SGMS1: variants seen among roughly 807,000 people sequenced by gnomAD.
The protein encoded by SGMS1 is phosphatidylcholine:ceramide cholinephosphotransferase 1.
SGMS1 carries 13 observed loss-of-function variants against 46.2 expected under a neutral mutation model. The ratio of observed to expected loss-of-function variants is 0.28; its 90% CI spans 0.18 to 0.45. The LOEUF (loss-of-function observed/expected upper bound fraction) is 0.45, where lower values mean the gene tolerates loss of function less well. Among genes scored for constraint, SGMS1 ranks in the 20% least tolerant of loss-of-function variants. The pLI is 1.00. For missense variants in SGMS1, 324 were observed against 519.9 expected, an observed-to-expected ratio of 0.62 and a Z score of 3.66; for synonymous variants, 203 against 187.8, an observed-to-expected ratio of 1.08 and a Z score of -0.66.
intron 6 of SGMS1, among the ~76,000 whole-genome samples, chr10:50,428,336 A>T (rs1342724907): frequency 6.6e-6 from 1 of 152,214 alleles, no homozygotes; most frequent in Non-Finnish European, 1.5e-5. Context: ...AAATGACACA[A>T]ATTATTGTCA....
intron 6 of SGMS1, among the ~76,000 whole-genome samples, chr10:50,399,088 G>A (rs1480793297): frequency 6.6e-6 from 1 of 151,934 alleles, no homozygotes; most frequent in Non-Finnish European, 1.5e-5. Context: ...TTCTAAAACT[G>A]GTTTATGGTG....
chr10:50,498,933 G>T (rs955322104), intron 3 of SGMS1, among the ~76,000 whole-genome samples: 1 of 152,100 alleles, frequency 6.6e-6, no homozygotes, highest in East Asian at 1.9e-4. Context: ...CCCACCAATA[G>T]TGCACGAGTG....
intron 6 of SGMS1, among the ~76,000 whole-genome samples, chr10:50,369,131 A>T (rs1332477864): frequency 5.9e-5 from 9 of 152,226 alleles, no homozygotes; most frequent in Non-Finnish European, 1.0e-4. Context: ...CAGAATATTT[A>T]AAAAATCCAT....
rs139504523 is a variant in SGMS1, at chr10:50,470,252, A to G, written c.-497-3320T>C. 9.4e-4 allele frequency among the ~76,000 whole-genome samples: 143 copies of G among 152,336 alleles called. 1 individual carries two copies. Among genetic ancestry groups the G allele is most frequent in the African/African-American group, 3.4e-3 (140 of 41,586 alleles). ...ACTGCATTTTATTAGAGTAGTAAAA[A>G]GTACTGAAAACTTTCTCATTCTTAC... is the stretch of plus-strand genomic sequence containing the variant. On this transcript the variant is annotated intron_variant, in intron 3 of 10. Transcript: ENST00000361781.
chr10:50,615,768 T>C (rs1322421194), intron 1 of SGMS1, among the ~76,000 whole-genome samples: 1 of 152,180 alleles, frequency 6.6e-6, no homozygotes, highest in Non-Finnish European at 1.5e-5. Context: ...CTCCCCTCCC[T>C]AAACTAGTTC....
intron 3 of SGMS1, among the ~76,000 whole-genome samples, chr10:50,474,679 A>G (rs796741747): frequency 5.6e-4 from 85 of 152,248 alleles, no homozygotes; most frequent in African/African-American, 2.0e-3. Context: ...TGATTGTTCT[A>G]TTTTTCATTT....
At chr10:50,309,436 A>AG (rs1365532807) in intron 9 of SGMS1, among the ~76,000 whole-genome samples, 2 of 152,204 alleles carry the variant, frequency 1.3e-5, no homozygotes, top group Non-Finnish European at 2.9e-5. Context: ...AGAGCTAGTA[A>AG]GTGATAGTAC....
chr10:50,318,195 T>C (rs992001187), intron 8 of SGMS1, among the ~76,000 whole-genome samples: 3 of 152,226 alleles, frequency 2.0e-5, no homozygotes, highest in African/African-American at 7.2e-5. Flanking sequence ...CCAATTGATT[T>C]TAACTTTCCT....
chr10:50,344,137 T>A lies in SGMS1; in HGVS notation c.-23A>T, dbSNP rs199944016. ...CATTGTACTGGCAGACAGCAGGCAGTCCCCAGCTCTCTCTTGGCAGGTCAG... is the reference window on the plus strand; with the variant it reads ...CATTGTACTGGCAGACAGCAGGCAGACCCCAGCTCTCTCTTGGCAGGTCAG... On this transcript the variant is annotated 5_prime_UTR_variant, in exon 7 of 11. Coordinates refer to ENST00000361781, the MANE Select transcript of SGMS1 (RefSeq NM_147156.4). The A allele has an allele frequency of 1.5e-5, 24 of 1,571,912 alleles. 1 individual carries two copies. In the East Asian group the frequency reaches 4.0e-4, roughly 26 times the overall value.
In SGMS1 at chr10:50,311,283, T is replaced by C; in HGVS notation, c.874A>G (p.Thr292Ala). Residue 292 changes from threonine (T) to alanine (A), a missense_variant, in exon 9 of 11, where the codon ACC becomes GCC. Physicochemically the swap from Thr to Ala is moderately conservative, Grantham distance 58. Transcript: ENST00000361781. ...YSGHTVMLTL[T>A]YLFIKEYSPR... Reference sequence around the variant, plus strand: ...TTACACTCTTTGATAAATAAGTAGGTAAGTGTTAGCATGACCGTGTGGCCG... The same window carrying C: ...TTACACTCTTTGATAAATAAGTAGGCAAGTGTTAGCATGACCGTGTGGCCG... 6.2e-7 allele frequency: 1 copy of C among 1,613,262 alleles called. No homozygotes were observed.
At chr10:50,363,182 A>T (rs898589884) in intron 6 of SGMS1, among the ~76,000 whole-genome samples, 5 of 152,152 alleles carry the variant, frequency 3.3e-5, no homozygotes, top group Non-Finnish European at 7.4e-5. Flanking sequence ...TTTCTTTTTT[A>T]AAAAAAGGGA....
chr10:50,606,259 T>C (rs1480628620), intron 1 of SGMS1, among the ~76,000 whole-genome samples: 5 of 152,208 alleles, frequency 3.3e-5, no homozygotes, highest in South Asian at 4.1e-4. Flanking sequence ...ATGAGGTACA[T>C]AGTCAAATTC....
intron 8 of SGMS1, among the ~76,000 whole-genome samples, chr10:50,319,207 A>G (rs1214907175): frequency 6.6e-6 from 1 of 151,740 alleles, no homozygotes; most frequent in Non-Finnish European, 1.5e-5. Flanking sequence ...TAGTTTGAAA[A>G]ATTATAAATG....
intron 8 of SGMS1, among the ~76,000 whole-genome samples, chr10:50,326,016 C>A (rs1847525202): frequency 6.6e-6 from 1 of 151,980 alleles, no homozygotes; most frequent in Non-Finnish European, 1.5e-5. Context: ...AAGCTGGCTT[C>A]TTTGGAAGGG....
At chr10:50,510,662 C>T (rs1221475627) in intron 3 of SGMS1, among the ~76,000 whole-genome samples, 1 of 151,340 alleles carries the variant, frequency 6.6e-6, no homozygotes, top group Admixed American at 6.6e-5. Context: ...ATAGAAGATA[C>T]AAACATTGTA....
rs186970612 is a variant in SGMS1 at position 50,452,428 on chromosome 10, C to T, written c.-313+8245G>A. ...CATCTATTAGAAGCACATACTAAAA[C>T]AAAACAACAAAATAGGTCTATTTTT... On this transcript the variant is annotated intron_variant, in intron 5 of 10. Transcript: ENST00000361781. 3.9e-3 allele frequency among the ~76,000 whole-genome samples: 586 copies of T among 152,072 alleles called. 1 individual carries two copies. Among genetic ancestry groups the T allele is most frequent in the Non-Finnish European group, 5.3e-3 (357 of 67,952 alleles).
intron 6 of SGMS1, among the ~76,000 whole-genome samples, chr10:50,417,495 G>C (rs562795897): frequency 6.6e-6 from 1 of 151,994 alleles, no homozygotes; most frequent in Non-Finnish European, 1.5e-5. Context: ...AATTCCACAA[G>C]AGCGATTACC....
intron 2 of SGMS1, among the ~76,000 whole-genome samples, chr10:50,574,965 A>ATATATATATATATGTG (rs1276956135): frequency 1.4e-5 from 2 of 137,974 alleles, no homozygotes; most frequent in Non-Finnish European, 1.6e-5. Context: ...AATGTGGTGT[A>ATATATATATATATGTG]TATATATATA....
chr10:50,454,860 A>G (rs2133672161), intron 5 of SGMS1, among the ~76,000 whole-genome samples: 1 of 152,344 alleles, frequency 6.6e-6, no homozygotes, highest in South Asian at 2.1e-4. Context: ...AGGCAGTACA[A>G]GAAGTAAACA....
Sources: gnomAD v4.1 joint callset for allele counts (sites outside exome capture counted in the v4.1 genomes callset) on GRCh38, gnomAD v4.1.1 for gene constraint, MANE v1.5 for transcripts, NCBI Gene and HGNC (gene_info 2026-07-23, HGNC 2026-07-21) for gene names.